Variants in HHLA2 observed in about 807,000 individuals in gnomAD.
HHLA2 encodes the protein HERV-H LTR-associating protein 2.
Under a neutral mutation model 45.9 loss-of-function variants are expected in HHLA2, and 48 were observed. That is an observed-to-expected ratio of 1.05 (90% CI 0.83 to 1.33). The LOEUF (loss-of-function observed/expected upper bound fraction) is 1.33. Ranked by LOEUF, HHLA2 falls within the 40% of genes most tolerant of loss-of-function variation. HHLA2 has a pLI of 0.00. For synonymous variants in HHLA2, 161 were observed against 173.9 expected (o/e 0.93, Z 0.59); for missense variants, 462 against 494.3 (o/e 0.93, Z 0.62).
In HHLA2 at chr3:108,331,987, G is replaced by A. The variant is rs191541376; in HGVS notation, c.-27+3640G>A. Among the ~76,000 whole-genome samples, 8 of 152,182 alleles carry A rather than the reference G, an allele frequency of 5.3e-5. No individual in the cohort carries two copies. In the East Asian group the frequency reaches 5.8e-4, roughly 11 times the overall value. ...GATGGAGAGGAATCTTGTGGCAAGC[G>A]AGATCACTAAAAGTTGACAGATTTC... On this transcript the variant is annotated intron_variant, in intron 3 of 10. Coordinates refer to ENST00000619531, the Ensembl canonical transcript of HHLA2.
chr3:108,322,355 C>A (rs2081217741), intron 2 of HHLA2, among the ~76,000 whole-genome samples: 1 of 152,198 alleles, frequency 6.6e-6, no homozygotes, highest in Non-Finnish European at 1.5e-5. Context: ...TTTGTTTCTC[C>A]ATGGATTTCT....
exon 6 of HHLA2, chr3:108,355,228 C>T: frequency 6.2e-7 from 1 of 1,613,842 alleles, no homozygotes; most frequent in Non-Finnish European, 8.5e-7. Flanking sequence ...GGACAACACA[C>T]CTATCTCTGA....
chr3:108,369,724 C>T (rs2082133490), intron 8 of HHLA2, among the ~76,000 whole-genome samples: 1 of 152,232 alleles, frequency 6.6e-6, no homozygotes, highest in Admixed American at 6.5e-5. Flanking sequence ...GCTAGCACAG[C>T]AGTCTGAGAT....
chr3:108,318,867 A>T (rs1379059360), intron 2 of HHLA2, among the ~76,000 whole-genome samples: 2 of 152,168 alleles, frequency 1.3e-5, no homozygotes, highest in Non-Finnish European at 2.9e-5. Flanking sequence ...TTCCCCAGAG[A>T]TTCATATTTA....
intron 3 of HHLA2, among the ~76,000 whole-genome samples, chr3:108,333,138 G>A (rs1181723258): frequency 2.0e-5 from 3 of 152,272 alleles, no homozygotes; most frequent in African/African-American, 4.8e-5. Context: ...CTCTTTGGAA[G>A]TGAAACTTCA....
intron 4 of HHLA2, among the ~76,000 whole-genome samples, chr3:108,352,109 A>C (rs777226347): frequency 6.6e-6 from 1 of 151,378 alleles, no homozygotes; most frequent in Non-Finnish European, 1.5e-5. Context: ...CTGCTACCAG[A>C]AGTAAGTTCA....
At chr3:108,331,986 C>T (rs937726265) in intron 3 of HHLA2, among the ~76,000 whole-genome samples, 4 of 152,026 alleles carry the variant, frequency 2.6e-5, no homozygotes, top group Admixed American at 2.6e-4. Flanking sequence ...TTGTGGCAAG[C>T]GAGATCACTA....
chr3:108,336,894 T>C (rs980481292), intron 3 of HHLA2, among the ~76,000 whole-genome samples: 2 of 152,126 alleles, frequency 1.3e-5, no homozygotes, highest in African/African-American at 4.8e-5. Flanking sequence ...GGGTTCTGGC[T>C]TGGGGATAAA....
chr3:108,363,890 G>T (rs183230274), intron 8 of HHLA2, among the ~76,000 whole-genome samples: 1 of 152,210 alleles, frequency 6.6e-6, no homozygotes, highest in Admixed American at 6.5e-5. Flanking sequence ...TAAACTTGAA[G>T]GGACAAGGAC....
intron 7 of HHLA2, among the ~76,000 whole-genome samples, chr3:108,359,670 C>T (rs1054242497): frequency 5.3e-5 from 8 of 152,152 alleles, no homozygotes; most frequent in Non-Finnish European, 1.0e-4. Context: ...GTCACGAGTA[C>T]AGTGAGAAGT....
intron 3 of HHLA2, among the ~76,000 whole-genome samples, chr3:108,344,165 C>T (rs1560234801): frequency 6.6e-6 from 1 of 150,908 alleles, no homozygotes; most frequent in Non-Finnish European, 1.5e-5. Context: ...CAGTCAAAGC[C>T]TTGTCCTGAG....
At chr3:108,307,619 A>C (rs886704427) in intron 1 of HHLA2, among the ~76,000 whole-genome samples, 3 of 151,116 alleles carry the variant, frequency 2.0e-5, no homozygotes, top group Admixed American at 6.6e-5. Context: ...GGGCAATAAG[A>C]GTGAAACTCT....
chr3:108,366,563 T>C (rs990543844), intron 8 of HHLA2, among the ~76,000 whole-genome samples: 6 of 152,216 alleles, frequency 3.9e-5, no homozygotes, highest in Admixed American at 3.3e-4. Flanking sequence ...TACCAGCTCC[T>C]CTTTGTACCT....
exon 10 of HHLA2, chr3:108,376,520 G>T: frequency 2.5e-6 from 4 of 1,612,172 alleles, no homozygotes; most frequent in Non-Finnish European, 3.4e-6. Flanking sequence ...CCTGGTGAGC[G>T]CTGTCCCAGT....
At chr3:108,371,115 T>A (rs1415357301) in intron 8 of HHLA2, among the ~76,000 whole-genome samples, 2 of 152,180 alleles carry the variant, frequency 1.3e-5, no homozygotes, top group Non-Finnish European at 1.5e-5. Context: ...CCCATCAGAC[T>A]AACAGCTGAT....
At chr3:108,344,331 C>A (rs1452158087) in intron 3 of HHLA2, among the ~76,000 whole-genome samples, 1 of 152,160 alleles carries the variant, frequency 6.6e-6, no homozygotes, top group Non-Finnish European at 1.5e-5. Context: ...CTAGGCTCTA[C>A]AATTGGCTTT....
intron 8 of HHLA2, among the ~76,000 whole-genome samples, chr3:108,375,491 A>C (rs6781169): frequency 4.0e-5 from 6 of 151,332 alleles, no homozygotes; most frequent in Non-Finnish European, 1.5e-5. Flanking sequence ...ATAATACAAA[A>C]TAAATAAAAA....
intron 2 of HHLA2, among the ~76,000 whole-genome samples, chr3:108,324,995 CT>C (rs1328518853): frequency 6.6e-6 from 1 of 152,072 alleles, no homozygotes; most frequent in Non-Finnish European, 1.5e-5. Flanking sequence ...TTCTATATTC[CT>C]TTCAGACATC....
intron 3 of HHLA2, among the ~76,000 whole-genome samples, chr3:108,339,669 A>T (rs936639046): frequency 2.0e-5 from 3 of 152,166 alleles, no homozygotes; most frequent in African/African-American, 7.2e-5. Context: ...AGAGAAAATT[A>T]TTGATTTTTC....
Sources: gnomAD v4.1 joint callset for allele counts (sites outside exome capture counted in the v4.1 genomes callset) on GRCh38, gnomAD v4.1.1 for gene constraint, MANE v1.5 for transcripts, NCBI Gene and HGNC (gene_info 2026-07-23, HGNC 2026-07-21) for gene names.